Variants in CRADD observed in about 807,000 individuals in gnomAD.
CRADD encodes death domain-containing protein CRADD.
A neutral mutation model predicts 15.5 loss-of-function variants in CRADD; 9 were observed. That is an observed-to-expected ratio of 0.58 (90% CI 0.35 to 1.01). The LOEUF is 1.01. Ranked by LOEUF, CRADD falls within the 50% of genes least tolerant of loss-of-function variation. The pLI, the probability that CRADD is intolerant of heterozygous loss-of-function variation, is 0.02. For missense variants in CRADD, 227 were observed against 250.3 expected (o/e 0.91, Z 0.63); for synonymous variants, 118 against 107.6 (o/e 1.10, Z -0.60).
intron 2 of CRADD, among the ~76,000 whole-genome samples, chr12:93,805,762 C>G (rs1957529998): frequency 6.6e-6 from 1 of 152,126 alleles, no homozygotes; most frequent in Non-Finnish European, 1.5e-5. Flanking sequence ...AGACCTTGTA[C>G]CCCATGCAGC....
chr12:93,785,063 G>A (rs1185833718), intron 2 of CRADD, among the ~76,000 whole-genome samples: 1 of 151,664 alleles, frequency 6.6e-6, no homozygotes, highest in African/African-American at 2.4e-5. Flanking sequence ...TAGAAACATT[G>A]GAATAAGTAC....
chr12:93,786,049 G>A (rs750831515), intron 2 of CRADD, among the ~76,000 whole-genome samples: 1 of 152,194 alleles, frequency 6.6e-6, no homozygotes, highest in Non-Finnish European at 1.5e-5. Context: ...AGACTCAAAA[G>A]CATTAACTGC....
chr12:93,809,129 G>T (rs1368169012), intron 2 of CRADD, among the ~76,000 whole-genome samples: 1 of 152,008 alleles, frequency 6.6e-6, no homozygotes, highest in African/African-American at 2.4e-5. Context: ...GACCAGGCTG[G>T]TCTCAAACTC....
At chr12:93,831,764 G>A (rs1257746357) in intron 2 of CRADD, among the ~76,000 whole-genome samples, 1 of 152,228 alleles carries the variant, frequency 6.6e-6, no homozygotes, top group African/African-American at 2.4e-5. Flanking sequence ...GCAGGTTAGC[G>A]TCTTTGGGTA....
rs985334638 is a variant in CRADD, at chr12:93,867,403, A to ATATATATTTTTTTTT, written c.299-26646_299-26645insATATATTTTTTTTTT. Among the ~76,000 whole-genome samples the ATATATATTTTTTTTT allele has an allele frequency of 4.8e-4, 69 of 143,424 alleles. 2 individuals are homozygous for ATATATATTTTTTTTT. In the East Asian group the frequency reaches 5.2e-3, roughly 11 times the overall value. The allele number at this position is 143,424 out of a possible 152,430, so 94.1% of individuals were successfully genotyped here. A position where few individuals can be genotyped will look rare whatever the true frequency, so the allele number is the denominator to read the frequency against. On this transcript the variant is annotated intron_variant, in intron 2 of 2. Coordinates refer to the CRADD transcript ENST00000548483. ...TTGTATTTGACATATATATATATAT[A>ATATATATTTTTTTTT]TTTTTTAAACTTGGAAGTCCAAGAT...
intron 2 of CRADD, among the ~76,000 whole-genome samples, chr12:93,766,650 C>T (rs1957029553): frequency 6.6e-6 from 1 of 152,216 alleles, no homozygotes; most frequent in Non-Finnish European, 1.5e-5. Flanking sequence ...AAATTAACTT[C>T]AAGGTGAAAC....
intron 2 of CRADD, among the ~76,000 whole-genome samples, chr12:93,702,679 C>T (rs570817379): frequency 8.7e-4 from 132 of 151,964 alleles, no homozygotes; most frequent in African/African-American, 3.0e-3. Flanking sequence ...TTTCTTGGCT[C>T]CAGGCTTCTT....
In CRADD at chr12:93,749,630, A is replaced by G. The variant is rs1199530141; in HGVS notation, c.298+70558A>G. 5.3e-5 allele frequency among the ~76,000 whole-genome samples: 8 copies of G among 152,174 alleles called. No individual in the cohort carries two copies. The East Asian group carries it at 5.8e-4, about 11-fold the overall frequency. ...GTTTTCTCTTCAAATCCAATTAACT[A>G]TCATCATTAATTAAAGAATATGTGA... On this transcript the variant is annotated intron_variant, in intron 2 of 2. Coordinates refer to ENST00000332896, the MANE Select transcript of CRADD (RefSeq NM_003805.5).
intron 2 of CRADD, among the ~76,000 whole-genome samples, chr12:93,781,089 A>G (rs929249840): frequency 1.3e-5 from 2 of 151,940 alleles, no homozygotes; most frequent in Admixed American, 1.3e-4. Flanking sequence ...TTCTCTTTGA[A>G]CCATCTAGAG....
intron 2 of CRADD, among the ~76,000 whole-genome samples, chr12:93,869,700 C>T (rs1438109733): frequency 2.0e-5 from 3 of 151,894 alleles, no homozygotes; most frequent in Non-Finnish European, 4.4e-5. Flanking sequence ...AGTTTGAAAA[C>T]AACAGAAGGA....
chr12:93,862,862 G>A (rs1481521033), intron 2 of CRADD, among the ~76,000 whole-genome samples: 1 of 152,200 alleles, frequency 6.6e-6, no homozygotes, highest in Non-Finnish European at 1.5e-5. Context: ...ACCTTGGGGT[G>A]TAATGGGAAA....
In CRADD at chr12:93,752,080, G is replaced by A. The variant is rs1238151341; in HGVS notation, c.298+73008G>A. Among the ~76,000 whole-genome samples the A allele has an allele frequency of 2.0e-5, 3 of 152,222 alleles. No homozygotes were observed. The South Asian group carries it at 6.2e-4, about 32-fold the overall frequency. The stretch of plus-strand genomic sequence containing the variant: ...TACTTGCCAAGGGTGGGGCATGTAT[G>A]CTTGAGAGCCCTTTAAAGCGTCTTT... On this transcript the variant is annotated intron_variant, in intron 2 of 2. Transcript: ENST00000332896.
chr12:93,787,208 G>A (rs1957288121), intron 2 of CRADD, among the ~76,000 whole-genome samples: 1 of 144,094 alleles, frequency 6.9e-6, no homozygotes, highest in Non-Finnish European at 1.5e-5. Flanking sequence ...CTGGCCAAGA[G>A]TTGTTCATCA....
At chr12:93,874,979 T>C (rs1043374868) in intron 2 of CRADD, among the ~76,000 whole-genome samples, 2 of 152,204 alleles carry the variant, frequency 1.3e-5, no homozygotes, top group East Asian at 3.9e-4. Flanking sequence ...CTTTGTTGAT[T>C]TTCTGTCTGG....
chr12:93,870,707 A>G (rs1329092077), intron 2 of CRADD, among the ~76,000 whole-genome samples: 1 of 151,820 alleles, frequency 6.6e-6, no homozygotes, highest in Non-Finnish European at 1.5e-5. Flanking sequence ...AGGGACTGCT[A>G]CTCCTCCTCA....
chr12:93,816,698 T>C (rs1181245613), intron 2 of CRADD, among the ~76,000 whole-genome samples: 2 of 152,174 alleles, frequency 1.3e-5, no homozygotes, highest in African/African-American at 2.4e-5. Context: ...TCTAGTGCAA[T>C]GGCTTTCAGC....
At chr12:93,713,678 G>A (rs748932901) in intron 2 of CRADD, among the ~76,000 whole-genome samples, 1 of 151,884 alleles carries the variant, frequency 6.6e-6, no homozygotes, top group South Asian at 2.1e-4. Context: ...TCAATTCAAG[G>A]TTGGCTGAAT....
intron 2 of CRADD, among the ~76,000 whole-genome samples, chr12:93,796,083 A>G (rs1440406587): frequency 6.6e-6 from 1 of 152,108 alleles, no homozygotes; most frequent in Non-Finnish European, 1.5e-5. Flanking sequence ...AATAATAGCT[A>G]TCTATGTCTA....
At chr12:93,736,377 G>A (rs981553503) in intron 2 of CRADD, among the ~76,000 whole-genome samples, 7 of 152,130 alleles carry the variant, frequency 4.6e-5, no homozygotes, top group Non-Finnish European at 1.0e-4. Flanking sequence ...GATTTCTAAA[G>A]TCCTTATATT....
Sources: allele counts gnomAD v4.1 joint callset (sites outside exome capture counted in the v4.1 genomes callset), GRCh38; gene constraint gnomAD v4.1.1; transcripts MANE v1.5; gene names NCBI Gene and HGNC (gene_info 2026-07-23, HGNC 2026-07-21).